REDIC1: variants seen among roughly 807,000 people sequenced by gnomAD.
REDIC1 encodes HEI10 Interacting Protein 1.
the REDIC1 span, among the ~76,000 whole-genome samples, chr12:39,807,738 C>T: frequency 3.3e-5 from 5 of 152,062 alleles, no homozygotes; most frequent in Admixed American, 6.6e-5. Context: ...TGCACCCTTT[C>T]AATTATAATA....
At chr12:39,650,476 C>A in the REDIC1 span, 1 of 1,298,978 alleles carries the variant, frequency 7.7e-7, no homozygotes, top group South Asian at 1.8e-5. The surrounding 1 kb of genome is among the most constrained non-coding windows in gnomAD (Gnocchi z 4.3). Context: ...AGTAATACTT[C>A]TAGAAAAAAA....
At chr12:39,834,629 AGT>A in the REDIC1 span, among the ~76,000 whole-genome samples, 1 of 152,130 alleles carries the variant, frequency 6.6e-6, no homozygotes, top group East Asian at 1.9e-4. Context: ...AGTATCAAAA[AGT>A]GTTCAATTTC....
chr12:39,816,481 A>G, the REDIC1 span, among the ~76,000 whole-genome samples: 192 of 150,954 alleles, frequency 1.3e-3, 2 homozygotes, highest in African/African-American at 4.6e-3. Context: ...CCTAATGTAA[A>G]TGACGAGTTA....
the REDIC1 span, among the ~76,000 whole-genome samples, chr12:39,660,513 T>A: frequency 1.6e-4 from 25 of 152,186 alleles, no homozygotes; most frequent in East Asian, 9.6e-4. Flanking sequence ...TTTTTTTAAA[T>A]TTTTTATTGA....
chr12:39,897,583 A>G, the REDIC1 span, among the ~76,000 whole-genome samples: 542 of 152,304 alleles, frequency 3.6e-3, 3 homozygotes, highest in African/African-American at 0.012. Context: ...CCAATGTCCA[A>G]TATGGCAGGA....
At chr12:39,627,161 A>G in the REDIC1 span, among the ~76,000 whole-genome samples, 15 of 152,356 alleles carry the variant, frequency 9.8e-5, no homozygotes, top group East Asian at 1.7e-3. Flanking sequence ...TAAAGAATTT[A>G]TCGGAGGAAA....
chr12:39,778,982 A>G, the REDIC1 span, among the ~76,000 whole-genome samples: 1 of 152,316 alleles, frequency 6.6e-6, no homozygotes, highest in African/African-American at 2.4e-5. Context: ...CAGGGAAAAG[A>G]ACTAACTAGG....
chr12:39,714,389 GTATA>G, the REDIC1 span, among the ~76,000 whole-genome samples: 3 of 53,314 alleles, frequency 5.6e-5, no homozygotes. Flanking sequence ...ATGTGTATAT[GTATA>G]TATGTATATA....
the REDIC1 span, among the ~76,000 whole-genome samples, chr12:39,700,104 G>A: frequency 6.6e-6 from 1 of 152,202 alleles, no homozygotes. Context: ...ACTTTGACGA[G>A]CTGAGAGAAG....
At chr12:39,750,923 A>C in the REDIC1 span, among the ~76,000 whole-genome samples, 1 of 152,208 alleles carries the variant, frequency 6.6e-6, no homozygotes, top group Non-Finnish European at 1.5e-5. Context: ...AAGATGGATT[A>C]AAGACTTACA....
At chr12:39,662,413 C>G in the REDIC1 span, among the ~76,000 whole-genome samples, 1 of 151,862 alleles carries the variant, frequency 6.6e-6, no homozygotes, top group African/African-American at 2.4e-5. Context: ...AATGGGATTG[C>G]TTTCTTGATT....
chr12:39,799,435 T>C, the REDIC1 span, among the ~76,000 whole-genome samples: 1 of 111,230 alleles, frequency 9.0e-6, no homozygotes, highest in Non-Finnish European at 2.0e-5. Flanking sequence ...TCTCAACCAT[T>C]AGGATCCTCT....
the REDIC1 span, among the ~76,000 whole-genome samples, chr12:39,888,028 A>G: frequency 6.6e-6 from 1 of 152,104 alleles, no homozygotes; most frequent in Non-Finnish European, 1.5e-5. Flanking sequence ...TGGAAACTCT[A>G]TTAGACTGAT....
At chr12:39,655,766 A>G in the REDIC1 span, among the ~76,000 whole-genome samples, 1 of 152,308 alleles carries the variant, frequency 6.6e-6, no homozygotes, top group Admixed American at 6.5e-5. Flanking sequence ...GGATAGCTCC[A>G]GGCTATAACT....
At chr12:39,871,543 A>G in the REDIC1 span, among the ~76,000 whole-genome samples, 2 of 152,186 alleles carry the variant, frequency 1.3e-5, no homozygotes, top group Non-Finnish European at 2.9e-5. Context: ...CTCAAGTAAC[A>G]GAAAAATGTT....
chr12:39,756,301 C>T, the REDIC1 span: 7 of 151,848 alleles, frequency 4.6e-5, no homozygotes, highest in African/African-American at 1.7e-4. Flanking sequence ...ATATAATCAT[C>T]TATTTCTTTT....
At chr12:39,818,292 TG>T in the REDIC1 span, among the ~76,000 whole-genome samples, 1 of 148,272 alleles carries the variant, frequency 6.7e-6, no homozygotes. Flanking sequence ...AAAAATGAGT[TG>T]GGGGGAGGGG....
At chr12:39,683,956 G>T in the REDIC1 span, among the ~76,000 whole-genome samples, 4 of 152,076 alleles carry the variant, frequency 2.6e-5, no homozygotes, top group East Asian at 7.7e-4. Flanking sequence ...AAGCATATCA[G>T]CAGTTTATAG....
At chr12:39,720,006 T>C in the REDIC1 span, among the ~76,000 whole-genome samples, 1 of 152,038 alleles carries the variant, frequency 6.6e-6, no homozygotes, top group Admixed American at 6.6e-5. Flanking sequence ...TATTTTTAAC[T>C]TGAATAATCA....
Sources: allele counts gnomAD v4.1 joint callset (sites outside exome capture counted in the v4.1 genomes callset), GRCh38; gene constraint gnomAD v4.1.1; non-coding constraint Gnocchi (gnomAD v3.1); transcripts MANE v1.5; gene names NCBI Gene and HGNC (gene_info 2026-07-23, HGNC 2026-07-21).